TM4SF20: variants seen among roughly 807,000 people sequenced by gnomAD.
The protein encoded by TM4SF20 is transmembrane 4 L six family member 20, also known as transmembrane 4 L6 family member 20.
A neutral mutation model predicts 15.1 loss-of-function variants in TM4SF20; 13 were observed. That is an observed-to-expected ratio of 0.86 (90% CI 0.56 to 1.36). The LOEUF (loss-of-function observed/expected upper bound fraction) is 1.36. Among genes scored for constraint, TM4SF20 ranks in the 40% most tolerant of loss-of-function variants. TM4SF20 has a pLI of 0.00. For missense variants in TM4SF20, 282 were observed against 268.4 expected (o/e 1.05, Z -0.35); for synonymous variants, 92 against 96.6 (o/e 0.95, Z 0.28).
chr2:227,367,149 C>G (rs2076397294), intron 2 of TM4SF20, among the ~76,000 whole-genome samples: 1 of 152,130 alleles, frequency 6.6e-6, no homozygotes, highest in South Asian at 2.1e-4. Flanking sequence ...CCAATATCAT[C>G]CCCCGACGCC....
At chr2:227,364,254 G>A (rs1168879226) in intron 3 of TM4SF20, among the ~76,000 whole-genome samples, 1 of 152,136 alleles carries the variant, frequency 6.6e-6, no homozygotes, top group African/African-American at 2.4e-5. Flanking sequence ...AGGTTGAACG[G>A]TATGAAACTG....
At chr2:227,379,939 C>T (rs372147891), upstream of TM4SF20, among the ~76,000 whole-genome samples, 1 of 152,218 alleles carries the variant, frequency 6.6e-6, no homozygotes, top group Non-Finnish European at 1.5e-5. Flanking sequence ...TGGCCATGTG[C>T]AGTACTTTAC....
Position 227,362,279 on chromosome 2 carries a change from T to C in TM4SF20, c.*1445A>G, listed in dbSNP as rs2076365623. 6.6e-6 allele frequency: 1 copy of C among 152,236 alleles called. No individual in the cohort carries two copies. The highest frequency in any genetic ancestry group is 2.4e-5 in the African/African-American group (1 of 41,460). The allele number at this position is 152,236 out of a possible 1,614,324, so 9.4% of individuals were successfully genotyped here. A position where few individuals can be genotyped will look rare whatever the true frequency, so the allele number is the denominator to read the frequency against. Reference sequence around the variant, plus strand: ...TGAAAGTCTTGGGTTTTTCTAGGTATTGTTTTTTAATTAATGAATAATGTA... The same window carrying C: ...TGAAAGTCTTGGGTTTTTCTAGGTACTGTTTTTTAATTAATGAATAATGTA... On this transcript the variant is annotated 3_prime_UTR_variant, in exon 4 of 4. Coordinates refer to ENST00000304568, the MANE Select transcript of TM4SF20 (RefSeq NM_024795.4).
In TM4SF20 at chr2:227,379,019, C is replaced by G. The variant is rs955794025; in HGVS notation, c.183+67G>C. The G allele has an allele frequency of 3.4e-5, 52 of 1,515,316 alleles. No homozygotes were observed. In the African/African-American group the frequency reaches 6.2e-4, roughly 18 times the overall value. 93.9% of individuals were successfully genotyped at this position (1,515,316 alleles called of 1,614,324 possible). On this transcript the variant is annotated intron_variant, in intron 1 of 3. Coordinates refer to ENST00000304568, the MANE Select transcript of TM4SF20 (RefSeq NM_024795.4). ...CATAGTTAACTGCAAGACTGGAAGA[C>G]AGCTTTTAGGATTTTGGTGAAATAG...
At chr2:227,370,724 C>A (rs2076416502) in intron 2 of TM4SF20, among the ~76,000 whole-genome samples, 191 bp downstream of exon 2, 1 of 152,170 alleles carries the variant, frequency 6.6e-6, no homozygotes. Flanking sequence ...CACCACTGCA[C>A]TCCAGTCTCA....
In TM4SF20 at chr2:227,362,369, C is replaced by T. The variant is rs1326126543; in HGVS notation, c.*1355G>A. 5.9e-5 allele frequency: 9 copies of T among 152,104 alleles called. No homozygotes were observed. The highest frequency in any genetic ancestry group is 1.3e-4 in the Non-Finnish European group (9 of 68,030). 9.4% of individuals were successfully genotyped at this position (152,104 alleles called of 1,614,324 possible). ...CCTGTCACCTAAATATAACAGTAAACATCTCCCCGTTGCTTTTGGTTGAAG... is the reference window on the plus strand; with the variant it reads ...CCTGTCACCTAAATATAACAGTAAATATCTCCCCGTTGCTTTTGGTTGAAG... On this transcript the variant is annotated 3_prime_UTR_variant, in exon 4 of 4. Coordinates refer to ENST00000304568, the MANE Select transcript of TM4SF20 (RefSeq NM_024795.4).
chr2:227,363,983 T>C lies in TM4SF20; in HGVS notation c.431A>G (p.Gln144Arg). ...TGCACAAGAGTCATTGAAAAACCAC[T>C]GCAAGTTGAAGGATTCTGGATGAAT... ...SDIHPESFNL[Q>R]WFFNDSCAPP... Residue 144 changes from glutamine to arginine, a missense_variant, in exon 4 of 4, where the codon CAG becomes CGG. Physicochemically the swap from Gln to Arg is conservative, Grantham distance 43 (BLOSUM62 1). Transcript: ENST00000304568. 6.2e-7 allele frequency: 1 copy of C among 1,612,988 alleles called. No homozygotes were observed.
chr2:227,366,346 A>G, intron 2 of TM4SF20, 102 bp from the exon 3 acceptor site: 1 of 994,738 alleles, frequency 1.0e-6, no homozygotes, highest in Non-Finnish European at 1.5e-6. Flanking sequence ...AGTCGCCCTA[A>G]AATCCTGGAT....
intron 2 of TM4SF20, 107 bp downstream of exon 2, chr2:227,370,808 G>A: frequency 2.3e-6 from 2 of 875,650 alleles, no homozygotes; most frequent in South Asian, 1.3e-5. Flanking sequence ...CTCTGTCAGT[G>A]GAGCCCCACT....
chr2:227,370,689 C>T (rs1394083414), intron 2 of TM4SF20, among the ~76,000 whole-genome samples: 1 of 152,016 alleles, frequency 6.6e-6, no homozygotes, highest in Non-Finnish European at 1.5e-5. Context: ...TCCCGGGAGG[C>T]AGAAGTTTCA....
At chr2:227,370,866 A>G (rs766240764) in intron 2 of TM4SF20, 49 bp downstream of exon 2, 10 of 1,528,732 alleles carry the variant, frequency 6.5e-6, no homozygotes, top group Middle Eastern at 1.7e-4. Context: ...CTTAGGTAGC[A>G]ATAACTGTTC....
chr2:227,366,199 G>C lies in TM4SF20; in HGVS notation c.295C>G (p.Leu99Val), dbSNP rs752719190. The change falls in exon 3 of 4, where the codon CTG becomes GTG. Residue 99 changes from leucine to valine, a missense_variant. Leu to Val is a conservative substitution (Grantham distance 32). Coordinates refer to ENST00000304568, the MANE Select transcript of TM4SF20 (RefSeq NM_024795.4). ...TGGATGGATATCAGCATGCAATACA[G>C]AGCACCAATGACTGTGATCACACTG... ...LFSVITVIGALYCMLISIQAL... is the reference protein window; with the variant it reads ...LFSVITVIGAVYCMLISIQAL... The C allele has an allele frequency of 1.7e-5, 27 of 1,613,640 alleles. 1 individual carries two copies. The Admixed American group carries it at 3.3e-4, about 20-fold the overall frequency.
At chr2:227,371,048 C>A in intron 1 of TM4SF20, 68 bp from the exon 2 acceptor site, 1 of 1,329,172 alleles carries the variant, frequency 7.5e-7, no homozygotes, top group Non-Finnish European at 1.1e-6. Flanking sequence ...TAGTAATCTT[C>A]ACCTTCCGTT....
chr2:227,374,180 G>A (rs1305436221), intron 1 of TM4SF20, among the ~76,000 whole-genome samples: 2 of 150,808 alleles, frequency 1.3e-5, no homozygotes, highest in Non-Finnish European at 2.9e-5. Flanking sequence ...ACTGAACTCT[G>A]GTAACTTTCT....
chr2:227,363,898 T>C lies in TM4SF20; in HGVS notation c.516A>G (p.Ala172=), dbSNP rs772163965. 8 of 1,614,040 alleles carry C rather than the reference T, an allele frequency of 5.0e-6. No homozygotes were observed. Among genetic ancestry groups the C allele is most frequent in the Non-Finnish European group, 8.5e-7 (1 of 1,180,034 alleles). Reference sequence around the variant, plus strand: ...CTTCAGAATCGAAGTGGAAACTAGATGCTCTCCAGCCACTCGCCATGGTGT... The same window carrying C: ...CTTCAGAATCGAAGTGGAAACTAGACGCTCTCCAGCCACTCGCCATGGTGT... ...SNDTMASGWR[A]SSFHFDSEEN... The change falls in exon 4 of 4, where the codon GCA becomes GCG. Residue 172 remains alanine, a synonymous_variant. Transcript: ENST00000304568.
chr2:227,365,273 T>C (rs2076387288), intron 3 of TM4SF20, among the ~76,000 whole-genome samples: 1 of 152,212 alleles, frequency 6.6e-6, no homozygotes, highest in South Asian at 2.1e-4. Flanking sequence ...TCTTTTTTAA[T>C]GTAGCAAGGT....
Position 227,363,464 on chromosome 2 carries a change from G to A in TM4SF20, c.*260C>T, listed in dbSNP as rs140691685. On this transcript the variant is annotated 3_prime_UTR_variant, in exon 4 of 4. Coordinates refer to ENST00000304568, the MANE Select transcript of TM4SF20 (RefSeq NM_024795.4). ...TACTTTTATTTTCAGGATGACTTCC[G>A]TTCCTTCTCATCCTCCTTCCCTTCT... is the stretch of plus-strand genomic sequence containing the variant. The A allele has an allele frequency of 3.3e-3, 983 of 297,086 alleles. 3 individuals carry two copies. The highest frequency in any genetic ancestry group is 6.2e-3 in the Middle Eastern group (6 of 964). 18.4% of individuals were successfully genotyped at this position (297,086 alleles called of 1,614,324 possible).
In TM4SF20 at chr2:227,371,000, GAA is replaced by G; in HGVS notation, c.184-22_184-21del. 1 of 1,604,854 alleles carries G rather than the reference GAA, an allele frequency of 6.2e-7. No individual in the cohort carries two copies. The highest frequency in any genetic ancestry group is 8.5e-7 in the Non-Finnish European group (1 of 1,171,694). ...AATGGCCTGGAAATGACATCAACAG[GAA>G]AGATGAGTATTATAACTTCTCATCA... On this transcript the variant is annotated intron_variant, in intron 1 of 3. Transcript: ENST00000304568.
chr2:227,362,788 A>G lies in TM4SF20; in HGVS notation c.*936T>C, dbSNP rs899815158. On this transcript the variant is annotated 3_prime_UTR_variant, in exon 4 of 4. Transcript: ENST00000304568. ...AGCCAAAACACTTCTGATCTTAATCATTTTGGATAAGGGGTACTCAGCCTT... is the reference window on the plus strand; with the variant it reads ...AGCCAAAACACTTCTGATCTTAATCGTTTTGGATAAGGGGTACTCAGCCTT... 6.6e-6 allele frequency: 1 copy of G among 152,232 alleles called. No individual in the cohort carries two copies. The highest frequency in any genetic ancestry group is 1.5e-5 in the Non-Finnish European group (1 of 68,034). 9.4% of individuals were successfully genotyped at this position (152,232 alleles called of 1,614,324 possible).
Sources: allele counts gnomAD v4.1 joint callset (sites outside exome capture counted in the v4.1 genomes callset), GRCh38; gene constraint gnomAD v4.1.1; transcripts MANE v1.5; gene names NCBI Gene and HGNC (gene_info 2026-07-23, HGNC 2026-07-21).